MLXIP: variants seen among roughly 807,000 people sequenced by gnomAD.
The protein encoded by MLXIP is MLX interacting protein, also known as MLX-interacting protein.
A neutral mutation model predicts 87.2 loss-of-function variants in MLXIP; 30 were observed. The ratio of observed to expected loss-of-function variants is 0.34; its 90% CI spans 0.26 to 0.47. The LOEUF (loss-of-function observed/expected upper bound fraction) is 0.47, where lower values mean the gene tolerates loss of function less well. MLXIP is among the 20% of genes least tolerant of loss of function. MLXIP has a pLI of 1.00. For missense variants in MLXIP, 1,002 were observed against 1,240.1 expected (o/e 0.81, Z 2.88); for synonymous variants, 530 against 514.0 (o/e 1.03, Z -0.42).
intron 1 of MLXIP, among the ~76,000 whole-genome samples, chr12:122,102,908 C>T (rs550657724): frequency 2.0e-5 from 3 of 152,270 alleles, no homozygotes; most frequent in South Asian, 2.1e-4. Flanking sequence ...TGTTTAGGGT[C>T]GAAGTGGAAT....
At chr12:122,106,543 G>T (rs1952522831) in intron 1 of MLXIP, among the ~76,000 whole-genome samples, 1 of 150,968 alleles carries the variant, frequency 6.6e-6, no homozygotes. Context: ...GTTTCTGTAT[G>T]GTGTGGATGC....
chr12:122,079,278 C>T lies in MLXIP; in HGVS notation c.413+12C>T, dbSNP rs986652432. 1.3e-6 allele frequency: 2 copies of T among 1,547,518 alleles called. No individual in the cohort carries two copies. Among genetic ancestry groups the T allele is most frequent in the African/African-American group, 1.4e-5 (1 of 72,906 alleles). On this transcript the variant is annotated intron_variant, in intron 1 of 16. Transcript: ENST00000319080. ...ACTTTGGCCTACAGGTAGGGACCCC[C>T]GCGACCCCCTGAGGCCCCGGCCGGA... is the stretch of plus-strand genomic sequence containing the variant.
chr12:122,079,880 G>A (rs1012037264), intron 1 of MLXIP, among the ~76,000 whole-genome samples: 1 of 152,224 alleles, frequency 6.6e-6, no homozygotes, highest in African/African-American at 2.4e-5. Flanking sequence ...CCCCCATCTC[G>A]GGAGGGCTTT....
chr12:122,106,674 T>C (rs1015484823), intron 1 of MLXIP, among the ~76,000 whole-genome samples: 1 of 141,334 alleles, frequency 7.1e-6, no homozygotes, highest in African/African-American at 2.6e-5. Flanking sequence ...CGATCTCGGC[T>C]CACTGCAACC....
At chr12:122,114,342 A>G (rs761837032) in intron 1 of MLXIP, among the ~76,000 whole-genome samples, 122 of 152,320 alleles carry the variant, frequency 8.0e-4, no homozygotes, top group Admixed American at 1.6e-3. Context: ...AACCACCCTC[A>G]GTTTCAATAA....
intron 1 of MLXIP, among the ~76,000 whole-genome samples, chr12:122,093,459 GTA>G (rs1231024210): frequency 1.9e-4 from 27 of 143,954 alleles, no homozygotes; most frequent in South Asian, 4.8e-4. Flanking sequence ...TGGGGTGTGT[GTA>G]TGTTTGCGGT....
chr12:122,146,832 G>A lies in MLXIP; in HGVS notation c.*5020G>A, dbSNP rs1405881200. 1 of 152,194 alleles carries A rather than the reference G, an allele frequency of 6.6e-6. No individual in the cohort carries two copies. The highest frequency in any genetic ancestry group is 2.4e-5 in the African/African-American group (1 of 41,440). The allele number at this position is 152,194 out of a possible 1,614,324, so 9.4% of individuals were successfully genotyped here. A position where few individuals can be genotyped will look rare whatever the true frequency, so the allele number is the denominator to read the frequency against. ...GGTGGTCTCAAGAGTTGAGGTTGTG[G>A]AGGGTTGGGAGAAACTGAAGTTCTA... On this transcript the variant is annotated 3_prime_UTR_variant, in exon 17 of 17. Coordinates refer to ENST00000319080, the MANE Select transcript of MLXIP (RefSeq NM_014938.6).
intron 1 of MLXIP, among the ~76,000 whole-genome samples, chr12:122,086,187 T>C (rs1425727215): frequency 6.6e-6 from 1 of 152,184 alleles, no homozygotes; most frequent in African/African-American, 2.4e-5. Flanking sequence ...CTGCTGAATC[T>C]TGTGAGACCC....
At chr12:122,096,527 C>T (rs1952354338) in intron 1 of MLXIP, among the ~76,000 whole-genome samples, 1 of 152,218 alleles carries the variant, frequency 6.6e-6, no homozygotes, top group African/African-American at 2.4e-5. Flanking sequence ...AGGCACCCCT[C>T]CTTGTCCCAC....
intron 1 of MLXIP, among the ~76,000 whole-genome samples, chr12:122,088,967 T>C (rs1593060815): frequency 7.0e-6 from 1 of 142,160 alleles, no homozygotes; most frequent in South Asian, 2.3e-4. Flanking sequence ...AGCCCAGGAG[T>C]TTGAGACCAG....
Position 122,144,211 on chromosome 12 carries a change from T to G in MLXIP, c.*2399T>G, listed in dbSNP as rs908505114. 2.6e-5 allele frequency: 4 copies of G among 152,606 alleles called. No homozygotes were observed. Among genetic ancestry groups the G allele is most frequent in the Non-Finnish European group, 4.4e-5 (3 of 68,042 alleles). 9.5% of individuals were successfully genotyped at this position (152,606 alleles called of 1,614,324 possible). A position where few individuals can be genotyped will look rare whatever the true frequency, so the allele number is the denominator to read the frequency against. On this transcript the variant is annotated 3_prime_UTR_variant, in exon 17 of 17. Coordinates refer to ENST00000319080, the MANE Select transcript of MLXIP (RefSeq NM_014938.6). Reference sequence around the variant, plus strand: ...TGCTGACCACAGGATGGGCTTTGTTTACACTCATTTTCACCCTGATTCTTG... The same window carrying G: ...TGCTGACCACAGGATGGGCTTTGTTGACACTCATTTTCACCCTGATTCTTG...
At chr12:122,126,342 A>G (rs1952880820) in intron 1 of MLXIP, among the ~76,000 whole-genome samples, 1 of 152,206 alleles carries the variant, frequency 6.6e-6, no homozygotes, top group Non-Finnish European at 1.5e-5. Context: ...ACACTACTAC[A>G]TAAGAGCTCC....
intron 1 of MLXIP, among the ~76,000 whole-genome samples, chr12:122,089,285 G>A (rs1458072360): frequency 6.6e-6 from 1 of 152,112 alleles, no homozygotes; most frequent in Non-Finnish European, 1.5e-5. Context: ...TTTTAAGACT[G>A]GCAGTTGGGA....
intron 1 of MLXIP, among the ~76,000 whole-genome samples, chr12:122,114,308 A>G (rs1952652851): frequency 1.3e-5 from 2 of 152,186 alleles, no homozygotes; most frequent in Non-Finnish European, 2.9e-5. Flanking sequence ...TTCTAATACC[A>G]AATGCAAGTT....
At chr12:122,093,842 G>A (rs1262231567) in intron 1 of MLXIP, among the ~76,000 whole-genome samples, 1 of 145,310 alleles carries the variant, frequency 6.9e-6, no homozygotes, top group African/African-American at 2.6e-5. Context: ...TGTGTGTGGG[G>A]TGTGTGTTTG....
Position 122,135,210 on chromosome 12 carries a change from CCTT to C in MLXIP, c.1733-13_1733-11del. On this transcript the variant is annotated splice_polypyrimidine_tract_variant and intron_variant, in intron 9 of 16. Transcript: ENST00000319080. This position sits in a 1 kb window ranked among gnomAD's most constrained non-coding sequence, Gnocchi z 5.3. ...GCCCAGGGCTGCACCTGAACATCCT[CCTT>C]ATCCTGGCAGCTGCCTTTTCAGGCC... The C allele has an allele frequency of 6.2e-7, 1 of 1,612,230 alleles. No homozygotes were observed. The highest frequency in any genetic ancestry group is 8.5e-7 in the Non-Finnish European group (1 of 1,179,450).
intron 1 of MLXIP, among the ~76,000 whole-genome samples, chr12:122,124,840 G>T (rs1211572363): frequency 3.3e-5 from 5 of 152,232 alleles, no homozygotes; most frequent in Admixed American, 3.3e-4. Context: ...AAACCAGCCT[G>T]ACGAACGTGG....
intron 1 of MLXIP, among the ~76,000 whole-genome samples, chr12:122,086,708 C>A (rs890022062): frequency 6.6e-6 from 1 of 152,114 alleles, no homozygotes. Context: ...GGATCAGGGA[C>A]CCTCGTGCTG....
intron 1 of MLXIP, among the ~76,000 whole-genome samples, chr12:122,103,479 C>T (rs527995641): frequency 2.0e-5 from 3 of 150,358 alleles, no homozygotes; most frequent in Non-Finnish European, 4.4e-5. Context: ...GCCTTGGCCT[C>T]CCAAAGTGCT....
Sources: gnomAD v4.1 joint callset for allele counts (sites outside exome capture counted in the v4.1 genomes callset) on GRCh38, gnomAD v4.1.1 for gene constraint, Gnocchi (gnomAD v3.1) non-coding constraint, MANE v1.5 for transcripts, NCBI Gene and HGNC (gene_info 2026-07-23, HGNC 2026-07-21) for gene names.